STAU1: variants seen among roughly 807,000 people sequenced by gnomAD.
STAU1 encodes staufen double-stranded RNA binding protein 1.
STAU1 carries 13 observed loss-of-function variants against 62.9 expected under a neutral mutation model. The observed-to-expected ratio is 0.21, with a 90% CI of 0.13 to 0.33. The LOEUF is 0.33. Among genes scored for constraint, STAU1 ranks in the 10% least tolerant of loss-of-function variants. The pLI is 1.00. For missense variants in STAU1, 571 were observed against 712.1 expected (o/e 0.80, Z 2.25); for synonymous variants, 269 against 265.1 (o/e 1.01, Z -0.14).
the STAU1 span, among the ~76,000 whole-genome samples, chr20:49,201,010 C>T: frequency 8.2e-6 from 1 of 122,048 alleles, no homozygotes; most frequent in Non-Finnish European, 1.6e-5. Context: ...CTGCACTCTG[C>T]ACTTCAGCCT....
chr20:49,196,292 C>G, the STAU1 span, among the ~76,000 whole-genome samples: 1 of 151,334 alleles, frequency 6.6e-6, no homozygotes, highest in Non-Finnish European at 1.5e-5. Flanking sequence ...AAAAATTAGC[C>G]GGGCAAGGTG....
intron 1 of STAU1, among the ~76,000 whole-genome samples, chr20:49,187,051 T>C (rs1290333624): frequency 1.3e-5 from 2 of 152,026 alleles, no homozygotes; most frequent in Admixed American, 6.6e-5. Flanking sequence ...AAAAAACTTA[T>C]CGAGGTGTAG....
intron 2 of STAU1, among the ~76,000 whole-genome samples, chr20:49,173,196 G>A (rs1358123610): frequency 6.8e-6 from 1 of 147,388 alleles, no homozygotes; most frequent in East Asian, 2.2e-4. Flanking sequence ...AGTGGCTCAC[G>A]CCTGTAATCC....
intron 3 of STAU1, among the ~76,000 whole-genome samples, chr20:49,160,001 T>A (rs1568903120): frequency 6.6e-6 from 1 of 152,270 alleles, no homozygotes; most frequent in Non-Finnish European, 1.5e-5. Context: ...CTGCCTCAGC[T>A]ACCCAAGTAG....
chr20:49,193,422 G>A, the STAU1 span, among the ~76,000 whole-genome samples: 1 of 151,578 alleles, frequency 6.6e-6, no homozygotes, highest in South Asian at 2.1e-4. Context: ...CCTGTAATCC[G>A]AGTTCTTTGG....
At chr20:49,126,575 A>AAAAAAAAAAAAAC (rs1233174352) in intron 6 of STAU1, among the ~76,000 whole-genome samples, 8 of 48,500 alleles carry the variant, frequency 1.6e-4, no homozygotes, top group African/African-American at 2.5e-4. Context: ...CTCAAAAAGC[A>AAAAAAAAAAAAAC]AAAAAAAAAA....
In STAU1 at chr20:49,174,246, G is replaced by C. The variant is rs1487317486; in HGVS notation, c.-136C>G. On this transcript the variant is annotated 5_prime_UTR_variant, in exon 2 of 14. Coordinates refer to ENST00000371856, the MANE Select transcript of STAU1 (RefSeq NM_017453.4). ...AACAATGTTGTCTTTGTTCAGTTCT[G>C]AGAGGTTAAGTGGTTAATAAACTCT... 6.6e-6 allele frequency: 1 copy of C among 152,312 alleles called. No homozygotes were observed. Among genetic ancestry groups the C allele is most frequent in the African/African-American group, 2.4e-5 (1 of 41,562 alleles). 9.4% of individuals were successfully genotyped at this position (152,312 alleles called of 1,614,324 possible).
chr20:49,176,083 C>T lies in STAU1; in HGVS notation c.-159-1814G>A, dbSNP rs149089078. Among the ~76,000 whole-genome samples the T allele has an allele frequency of 2.9e-3, 437 of 152,302 alleles. 3 individuals are homozygous for T. Among genetic ancestry groups the T allele is most frequent in the Non-Finnish European group, 5.2e-3 (351 of 68,026 alleles). On this transcript the variant is annotated intron_variant, in intron 1 of 13. Coordinates refer to ENST00000371856, the MANE Select transcript of STAU1 (RefSeq NM_017453.4). ...TGCTGGGATTACAGGCGTGAGCCAC[C>T]GCGCCCGGCAATAATGCTTTTTAAA...
intron 5 of STAU1, among the ~76,000 whole-genome samples, chr20:49,150,269 T>C (rs1021938124): frequency 2.0e-5 from 3 of 152,208 alleles, no homozygotes; most frequent in Non-Finnish European, 4.4e-5. Flanking sequence ...AATCCTTTCA[T>C]CATCTGGAAA....
At chr20:49,147,025 T>G (rs1008931511) in intron 5 of STAU1, among the ~76,000 whole-genome samples, 1 of 152,138 alleles carries the variant, frequency 6.6e-6, no homozygotes, top group Non-Finnish European at 1.5e-5. Context: ...AAATAACCCA[T>G]GCACTTTCTT....
chr20:49,182,947 T>TC (rs1568945183), intron 1 of STAU1, among the ~76,000 whole-genome samples: 1 of 152,062 alleles, frequency 6.6e-6, no homozygotes, highest in Non-Finnish European at 1.5e-5. Context: ...TCATAAACTT[T>TC]GTTATATGTT....
At chr20:49,154,557 G>T (rs1600761900) in intron 3 of STAU1, among the ~76,000 whole-genome samples, 1 of 152,216 alleles carries the variant, frequency 6.6e-6, no homozygotes, top group East Asian at 1.9e-4. Flanking sequence ...GCAAAGCACT[G>T]TGCTAAGCTT....
At chr20:49,128,775 A>G (rs1249770816) in intron 6 of STAU1, among the ~76,000 whole-genome samples, 3 of 65,136 alleles carry the variant, frequency 4.6e-5, no homozygotes, top group Non-Finnish European at 1.2e-4. Context: ...TCCAAATCCA[A>G]AAAAAAAAAA....
upstream of STAU1, among the ~76,000 whole-genome samples, chr20:49,190,231 G>C (rs2093829230): frequency 6.6e-6 from 1 of 152,138 alleles, no homozygotes; most frequent in African/African-American, 2.4e-5. Flanking sequence ...GGACAAAAGT[G>C]GTGGGTCTAT....
chr20:49,193,587 C>T, the STAU1 span, among the ~76,000 whole-genome samples: 2 of 152,104 alleles, frequency 1.3e-5, no homozygotes, highest in African/African-American at 4.8e-5. Flanking sequence ...AGGATAATCG[C>T]TTGAACGCGG....
intron 5 of STAU1, among the ~76,000 whole-genome samples, chr20:49,142,938 G>A (rs1214964734): frequency 6.6e-6 from 1 of 152,100 alleles, no homozygotes; most frequent in African/African-American, 2.4e-5. Flanking sequence ...CATTAGCTGA[G>A]ACTACAGGTA....
At chr20:49,179,732 A>C (rs2093701230) in intron 1 of STAU1, among the ~76,000 whole-genome samples, 2 of 152,244 alleles carry the variant, frequency 1.3e-5, no homozygotes, top group Admixed American at 1.3e-4. Flanking sequence ...ATGGATTTCA[A>C]AACAGCAAAG....
intron 1 of STAU1, among the ~76,000 whole-genome samples, chr20:49,186,510 A>T (rs772051630): frequency 2.0e-5 from 3 of 152,138 alleles, no homozygotes; most frequent in South Asian, 2.1e-4. Flanking sequence ...TTTAATGCCT[A>T]AAACAATCCT....
At chr20:49,179,522 G>A (rs2093699170) in intron 1 of STAU1, among the ~76,000 whole-genome samples, 1 of 152,168 alleles carries the variant, frequency 6.6e-6, no homozygotes, top group Non-Finnish European at 1.5e-5. Flanking sequence ...TGGTTCAATT[G>A]TGCAACAAGG....
Sources: gnomAD v4.1 joint callset for allele counts (sites outside exome capture counted in the v4.1 genomes callset) on GRCh38, gnomAD v4.1.1 for gene constraint, MANE v1.5 for transcripts, NCBI Gene and HGNC (gene_info 2026-07-23, HGNC 2026-07-21) for gene names.